Variants in GUCY1A2 observed in about 807,000 individuals in gnomAD.
The protein encoded by GUCY1A2 is guanylate cyclase 1 soluble subunit alpha 2, also known as guanylate cyclase soluble subunit alpha-2.
GUCY1A2 carries 27 observed loss-of-function variants against 63.5 expected under a neutral mutation model. The observed-to-expected ratio is 0.43, with a 90% confidence interval of 0.31 to 0.59. The LOEUF (loss-of-function observed/expected upper bound fraction) is 0.59, where lower values mean the gene tolerates loss of function less well. Ranked by LOEUF, GUCY1A2 falls within the 20% of genes least tolerant of loss-of-function variation. The pLI, the probability that GUCY1A2 is intolerant of heterozygous loss-of-function variation, is 0.11. For synonymous variants in GUCY1A2, 364 were observed against 343.5 expected (o/e 1.06, Z -0.66); for missense variants, 768 against 913.3 (o/e 0.84, Z 2.05).
intron 4 of GUCY1A2, among the ~76,000 whole-genome samples, chr11:106,923,593 T>A (rs568044380): frequency 2.0e-4 from 30 of 152,274 alleles, no homozygotes; most frequent in African/African-American, 5.3e-4. Context: ...CAATTTTTTT[T>A]AAAACATATG....
intron 1 of GUCY1A2, among the ~76,000 whole-genome samples, chr11:106,993,490 T>C (rs905193118): frequency 6.6e-6 from 1 of 152,048 alleles, no homozygotes; most frequent in African/African-American, 2.4e-5. Flanking sequence ...ATGTTTACTT[T>C]CCCAGCCTCT....
intron 4 of GUCY1A2, among the ~76,000 whole-genome samples, chr11:106,833,191 ACT>A (rs1449299073): frequency 6.6e-6 from 1 of 152,074 alleles, no homozygotes; most frequent in Admixed American, 6.6e-5. Flanking sequence ...GGCCCACCCT[ACT>A]GGCCTCATTG....
chr11:106,954,594 G>A (rs762272310), intron 3 of GUCY1A2, among the ~76,000 whole-genome samples: 27 of 152,030 alleles, frequency 1.8e-4, no homozygotes, highest in Non-Finnish European at 3.2e-4. Flanking sequence ...ATCTAATACT[G>A]AGAGTGGGGT....
chr11:106,843,996 T>G (rs1859237263), intron 4 of GUCY1A2, among the ~76,000 whole-genome samples: 2 of 151,860 alleles, frequency 1.3e-5, no homozygotes, highest in Admixed American at 1.3e-4. Context: ...TGGAGGGCAC[T>G]CTTAAAGAAG....
At chr11:106,875,088 C>T (rs887587504) in intron 4 of GUCY1A2, among the ~76,000 whole-genome samples, 1 of 152,058 alleles carries the variant, frequency 6.6e-6, no homozygotes, top group African/African-American at 2.4e-5. Context: ...ATTTATCAAC[C>T]AGGTTTTTGT....
intron 6 of GUCY1A2, among the ~76,000 whole-genome samples, chr11:106,715,577 A>G (rs1031856203): frequency 1.3e-5 from 2 of 152,196 alleles, no homozygotes; most frequent in Non-Finnish European, 2.9e-5. Context: ...AGCATATTCC[A>G]ATTGAAACTC....
At chr11:106,726,202 G>A (rs548215176) in intron 6 of GUCY1A2, among the ~76,000 whole-genome samples, 10 of 152,170 alleles carry the variant, frequency 6.6e-5, no homozygotes, top group African/African-American at 2.2e-4. Flanking sequence ...ATTGCCTGAC[G>A]TCAGGAGTTT....
At chr11:106,951,717 C>A (rs768807722) in intron 3 of GUCY1A2, among the ~76,000 whole-genome samples, 3 of 152,142 alleles carry the variant, frequency 2.0e-5, no homozygotes, top group Admixed American at 2.0e-4. Flanking sequence ...GTTTATTTTG[C>A]TGTGCAGAAG....
At position 106,749,110 on chromosome 11, in the gene GUCY1A2, C is replaced by T. The variant is rs181641093; in HGVS notation, c.1836+27329G>A. On this transcript the variant is annotated intron_variant, in intron 6 of 7. Transcript: ENST00000526355. ...TCATGTTACAACTGCCTACAGTATT[C>T]AGTATAGTCACATCCGGTACAGGTT... Among the ~76,000 whole-genome samples, 252 of 152,044 alleles carry T rather than the reference C, an allele frequency of 1.7e-3. 2 individuals are homozygous for T. Among genetic ancestry groups the T allele is most frequent in the Non-Finnish European group, 2.9e-3 (199 of 67,990 alleles).
At chr11:106,775,103 C>T (rs1224963780) in intron 6 of GUCY1A2, among the ~76,000 whole-genome samples, 13 of 151,876 alleles carry the variant, frequency 8.6e-5, no homozygotes, top group Admixed American at 7.9e-4. Flanking sequence ...TTTTATTACT[C>T]GTTTTAATAA....
At chr11:106,749,680 G>C (rs2135384272) in intron 6 of GUCY1A2, among the ~76,000 whole-genome samples, 1 of 152,010 alleles carries the variant, frequency 6.6e-6, no homozygotes, top group East Asian at 1.9e-4. Context: ...CCTCTTAGGA[G>C]CAATCCCCAG....
At chr11:106,809,935 T>C (rs1424584827) in intron 5 of GUCY1A2, 58 bp downstream of exon 5, 13 of 1,064,180 alleles carry the variant, frequency 1.2e-5, no homozygotes, top group Non-Finnish European at 1.6e-5. Flanking sequence ...ATCAATTTAA[T>C]TCACATGACA....
At chr11:106,988,514 A>G (rs910181852) in intron 1 of GUCY1A2, among the ~76,000 whole-genome samples, 3 of 152,196 alleles carry the variant, frequency 2.0e-5, no homozygotes, top group African/African-American at 7.2e-5. Context: ...TAAAAAGCAC[A>G]TATTTGTGAA....
chr11:106,843,665 C>T (rs1045916562), intron 4 of GUCY1A2, among the ~76,000 whole-genome samples: 13 of 151,844 alleles, frequency 8.6e-5, no homozygotes, highest in South Asian at 2.1e-4. Context: ...TATTGAAATA[C>T]AGCCTAATGT....
intron 4 of GUCY1A2, among the ~76,000 whole-genome samples, chr11:106,855,008 C>T (rs922842401): frequency 1.3e-5 from 2 of 152,124 alleles, no homozygotes; most frequent in Non-Finnish European, 2.9e-5. Flanking sequence ...TAGGTGAATA[C>T]AGGGGTTATA....
In GUCY1A2 at chr11:106,886,656, T is replaced by C. The variant is rs143980451; in HGVS notation, c.1206+52804A>G. 1.0e-3 allele frequency among the ~76,000 whole-genome samples: 157 copies of C among 152,238 alleles called. 1 individual carries two copies. The highest frequency in any genetic ancestry group is 3.4e-3 in the Middle Eastern group (1 of 294). ...AAATATAAATTTGTTCATGTTTAAT[T>C]TGAAATAAAACAAAAACAAAATAAA... is the stretch of plus-strand genomic sequence containing the variant. On this transcript the variant is annotated intron_variant, in intron 4 of 7. Transcript: ENST00000526355.
intron 4 of GUCY1A2, among the ~76,000 whole-genome samples, chr11:106,830,984 T>C (rs1859042815): frequency 3.9e-5 from 6 of 152,178 alleles, no homozygotes; most frequent in Admixed American, 3.9e-4. Flanking sequence ...AACTATTAAC[T>C]ATGAAATTAT....
intron 1 of GUCY1A2, among the ~76,000 whole-genome samples, chr11:107,007,078 G>A (rs1268868208): frequency 6.6e-6 from 1 of 151,984 alleles, no homozygotes; most frequent in Admixed American, 6.6e-5. Context: ...TATCAAGTCT[G>A]AGCCAAGAAA....
chr11:106,992,392 A>C (rs922422356), intron 1 of GUCY1A2, among the ~76,000 whole-genome samples: 14 of 135,534 alleles, frequency 1.0e-4, no homozygotes, highest in African/African-American at 4.0e-4. Context: ...TGCAGTGGTG[A>C]GATCTCAGCT....
Sources: gnomAD v4.1 joint callset for allele counts (sites outside exome capture counted in the v4.1 genomes callset) on GRCh38, gnomAD v4.1.1 for gene constraint, MANE v1.5 for transcripts, NCBI Gene and HGNC (gene_info 2026-07-23, HGNC 2026-07-21) for gene names.